The following MARCHF11 variants were observed in gnomAD, a reference collection of about 807,000 sequenced individuals.
The protein encoded by MARCHF11 is membrane associated ring-CH-type finger 11.
Under a neutral mutation model 37.3 loss-of-function variants are expected in MARCHF11, and 29 were observed. The ratio of observed to expected loss-of-function variants is 0.78; its 90% confidence interval spans 0.58 to 1.06. The LOEUF (loss-of-function observed/expected upper bound fraction) is 1.06, where lower values mean the gene tolerates loss of function less well. Ranked by LOEUF, MARCHF11 falls within the 50% of genes least tolerant of loss-of-function variation. MARCHF11 has a pLI of 0.00. For missense variants in MARCHF11, 482 were observed against 533.4 expected (o/e 0.90, Z 0.95); for synonymous variants, 233 against 228.0 (o/e 1.02, Z -0.20).
chr5:16,106,021 G>A (rs933816797), intron 2 of MARCHF11, among the ~76,000 whole-genome samples: 2 of 152,122 alleles, frequency 1.3e-5, no homozygotes, highest in African/African-American at 4.8e-5. Context: ...ACTGCATGTC[G>A]AGCCATAAAC....
chr5:16,175,890 T>G (rs1055409791), intron 2 of MARCHF11, among the ~76,000 whole-genome samples: 2 of 152,236 alleles, frequency 1.3e-5, no homozygotes, highest in African/African-American at 4.8e-5. Context: ...AATAGTAGTA[T>G]TTACAGATGT....
intron 2 of MARCHF11, among the ~76,000 whole-genome samples, chr5:16,123,082 T>C (rs565223072): frequency 6.6e-6 from 1 of 152,210 alleles, no homozygotes; most frequent in Admixed American, 6.5e-5. Context: ...GCAAGTCCAT[T>C]CCCTCTTCCG....
At chr5:16,128,198 T>G (rs1665453375) in intron 2 of MARCHF11, among the ~76,000 whole-genome samples, 1 of 152,108 alleles carries the variant, frequency 6.6e-6, no homozygotes. Context: ...GTAGCACTAT[T>G]TATCTGGTGA....
intron 2 of MARCHF11, among the ~76,000 whole-genome samples, chr5:16,144,427 CTCTT>C (rs1470990786): frequency 2.0e-5 from 3 of 152,186 alleles, no homozygotes. Context: ...CTGCCCTCCT[CTCTT>C]TCTAACAGCA....
In MARCHF11 at chr5:16,177,298, T is replaced by C. The variant is rs75036000; in HGVS notation, c.693+428A>G. 7.9e-5 allele frequency among the ~76,000 whole-genome samples: 12 copies of C among 152,248 alleles called. No homozygotes were observed. The East Asian group carries it at 9.6e-4, about 12-fold the overall frequency. On this transcript the variant is annotated intron_variant, in intron 2 of 3. Coordinates refer to ENST00000332432, the MANE Select transcript of MARCHF11 (RefSeq NM_001102562.3). Reference sequence around the variant, plus strand: ...CTAATAGGTTCAACCAAAGTTTTCATACCAGTGAAGTTTTGTTTTACTTGT... The same window carrying C: ...CTAATAGGTTCAACCAAAGTTTTCACACCAGTGAAGTTTTGTTTTACTTGT...
intron 2 of MARCHF11, among the ~76,000 whole-genome samples, chr5:16,122,763 T>C (rs1236028528): frequency 1.3e-5 from 2 of 152,080 alleles, no homozygotes; most frequent in Non-Finnish European, 2.9e-5. Context: ...TCGGGTGAGA[T>C]GAAGGTTTGC....
chr5:16,161,050 T>C (rs539638745), intron 2 of MARCHF11, among the ~76,000 whole-genome samples: 1 of 152,082 alleles, frequency 6.6e-6, no homozygotes, highest in South Asian at 2.1e-4. Context: ...TTTTTTTAAA[T>C]TATACTTTAA....
At chr5:16,133,923 C>T (rs188415171) in intron 2 of MARCHF11, among the ~76,000 whole-genome samples, 114 of 152,140 alleles carry the variant, frequency 7.5e-4, no homozygotes, top group African/African-American at 2.6e-3. Context: ...TGGTTTGAAA[C>T]GTCCTTAAGG....
intron 2 of MARCHF11, among the ~76,000 whole-genome samples, chr5:16,162,488 A>T (rs761694754): frequency 2.2e-4 from 33 of 152,050 alleles, no homozygotes; most frequent in Non-Finnish European, 3.8e-4. Flanking sequence ...CTGTCAATCA[A>T]TTCAAAGATC....
At chr5:16,102,286 C>T (rs1043730318) in intron 2 of MARCHF11, among the ~76,000 whole-genome samples, 1 of 152,158 alleles carries the variant, frequency 6.6e-6, no homozygotes, top group Non-Finnish European at 1.5e-5. Context: ...TAAAGTCACA[C>T]TGTAAGATGA....
intron 2 of MARCHF11, among the ~76,000 whole-genome samples, chr5:16,107,632 C>T (rs1645706565): frequency 6.6e-6 from 1 of 151,976 alleles, no homozygotes; most frequent in African/African-American, 2.4e-5. Flanking sequence ...TAAACTCAGC[C>T]CTAAGTGACA....
rs960530698 is a variant in MARCHF11 at position 16,154,903 on chromosome 5, A to G, written c.693+22823T>C. ...AATGCTGATGGAGGCTCATACCAGC[A>G]CACTGTTGATGGTGGACAATTTGGA... is the stretch of plus-strand genomic sequence containing the variant. On this transcript the variant is annotated intron_variant, in intron 2 of 3. Coordinates refer to ENST00000332432, the MANE Select transcript of MARCHF11 (RefSeq NM_001102562.3). Among the ~76,000 whole-genome samples, 30 of 151,926 alleles carry G rather than the reference A, an allele frequency of 2.0e-4. 1 individual carries two copies. The highest frequency in any genetic ancestry group is 1.1e-3 in the Admixed American group (16 of 15,212).
intron 2 of MARCHF11, among the ~76,000 whole-genome samples, chr5:16,143,531 T>C (rs1333885143): frequency 2.0e-5 from 3 of 152,210 alleles, no homozygotes; most frequent in Non-Finnish European, 4.4e-5. Flanking sequence ...TATTTCAAGT[T>C]CCATTAGTGT....
chr5:16,141,080 T>C (rs1737694330), intron 2 of MARCHF11: 1 of 152,432 alleles, frequency 6.6e-6, no homozygotes, highest in South Asian at 2.1e-4. Context: ...GCCGTGGGAC[T>C]CCGGATTTAT....
intron 2 of MARCHF11, among the ~76,000 whole-genome samples, chr5:16,144,041 T>C (rs184037106): frequency 6.6e-6 from 1 of 152,328 alleles, no homozygotes; most frequent in African/African-American, 2.4e-5. Flanking sequence ...TTATCTCTGA[T>C]CAAGTAATCC....
intron 1 of MARCHF11, among the ~76,000 whole-genome samples, chr5:16,178,498 A>C (rs1235216327): frequency 6.6e-6 from 1 of 152,306 alleles, no homozygotes; most frequent in East Asian, 1.9e-4. Flanking sequence ...GTTGCTGTCA[A>C]AATATAAATT....
chr5:16,130,185 C>T (rs1320692331), intron 2 of MARCHF11, among the ~76,000 whole-genome samples: 1 of 151,596 alleles, frequency 6.6e-6, no homozygotes, highest in East Asian at 1.9e-4. Context: ...GAAATTTGGT[C>T]CACTTCTCAG....
intron 2 of MARCHF11, among the ~76,000 whole-genome samples, chr5:16,157,423 C>T (rs772676156): frequency 2.6e-5 from 4 of 151,886 alleles, no homozygotes; most frequent in Admixed American, 6.6e-5. Context: ...AGAGGCATCA[C>T]ACTACTTTAT....
intron 3 of MARCHF11, among the ~76,000 whole-genome samples, chr5:16,090,197 C>T (rs1736768977): frequency 6.6e-6 from 1 of 152,284 alleles, no homozygotes; most frequent in Middle Eastern, 3.4e-3. Flanking sequence ...GATGCCTGTG[C>T]ACCTCACACA....
Sources: gnomAD v4.1 joint callset for allele counts (sites outside exome capture counted in the v4.1 genomes callset) on GRCh38, gnomAD v4.1.1 for gene constraint, MANE v1.5 for transcripts, NCBI Gene and HGNC (gene_info 2026-07-23, HGNC 2026-07-21) for gene names.